SYNPO: variants seen among roughly 807,000 people sequenced by gnomAD.
SYNPO encodes synaptopodin.
In SYNPO, 19 loss-of-function variants were observed where a neutral mutation model predicts 49.5. That is an observed-to-expected ratio of 0.38 (90% confidence interval 0.27 to 0.56). SYNPO has a LOEUF of 0.56. Ranked by LOEUF, SYNPO falls within the 20% of genes least tolerant of loss-of-function variation. The pLI, the probability that SYNPO is intolerant of heterozygous loss-of-function variation, is 0.68. For missense variants in SYNPO, 1,131 were observed against 1,248.3 expected, an observed-to-expected ratio of 0.91 and a Z score of 1.42; for synonymous variants, 536 against 548.0, an observed-to-expected ratio of 0.98 and a Z score of 0.31.
At chr5:150,620,100 G>A (rs1391740457) in intron 2 of SYNPO, among the ~76,000 whole-genome samples, 4 of 152,132 alleles carry the variant, frequency 2.6e-5, no homozygotes, top group East Asian at 1.9e-4. Flanking sequence ...GGATGTTGCC[G>A]ACTAGCCAAG....
chr5:150,604,759 C>G (rs541872848), intron 1 of SYNPO, among the ~76,000 whole-genome samples: 3 of 152,214 alleles, frequency 2.0e-5, no homozygotes, highest in African/African-American at 7.2e-5. Flanking sequence ...CTGGCACACA[C>G]TGCGGCTGGC....
Position 150,648,306 on chromosome 5 carries a change from C to G in SYNPO, c.31C>G (p.Leu11Val). Residue 11 changes from leucine to valine, a missense_variant, in exon 2 of 3, where the codon CTG becomes GTG. Physicochemically the swap from Leu to Val is conservative, Grantham distance 32. Around this residue, in one of 4 missense-constraint regions of SYNPO, gnomAD observed 16 missense variants for 20.9 expected, o/e 0.77. Transcript: ENST00000307662. The surrounding 1 kb of genome is among the most constrained non-coding windows in gnomAD (Gnocchi z 5.0). ...GGGGTACTCAGAGGAGGCTAGCTTGCTGCGGCACCTGGAGAAGGTGGCCAG... is the reference window on the plus strand; with the variant it reads ...GGGGTACTCAGAGGAGGCTAGCTTGGTGCGGCACCTGGAGAAGGTGGCCAG... MEGYSEEASLLRHLEKVASEE... is the reference protein window; with the variant it reads MEGYSEEASLVRHLEKVASEE... 6.2e-7 allele frequency: 1 copy of G among 1,614,222 alleles called. No individual in the cohort carries two copies. Among genetic ancestry groups the G allele is most frequent in the Middle Eastern group, 1.7e-4 (1 of 6,060 alleles).
the SYNPO span, among the ~76,000 whole-genome samples, chr5:150,595,270 A>G: frequency 3.5e-4 from 54 of 152,366 alleles, no homozygotes; most frequent in Admixed American, 2.5e-3. Context: ...GAGGTTGGAA[A>G]AGTTCAAAAC....
At position 150,649,876 on chromosome 5, in the gene SYNPO, G is replaced by A. The variant is rs367672067; in HGVS notation, c.1601G>A (p.Arg534Gln). The A allele has an allele frequency of 6.8e-6, 11 of 1,609,250 alleles. No individual in the cohort carries two copies. The highest frequency in any genetic ancestry group is 6.7e-5 in the African/African-American group (5 of 74,880). ...NAPGAFRVAS[R>Q]SPARTPPASL... ...CCCGGGGCCTTCCGAGTGGCATCCCGAAGCCCAGCCCGGACCCCGCCTGCC... is the reference window on the plus strand; with the variant it reads ...CCCGGGGCCTTCCGAGTGGCATCCCAAAGCCCAGCCCGGACCCCGCCTGCC... Residue 534 changes from arginine to glutamine, a missense_variant, in exon 2 of 3, where the codon CGA becomes CAA. Arg to Gln is a conservative substitution (Grantham distance 43). Around this residue, in one of 4 missense-constraint regions of SYNPO, gnomAD observed 602 missense variants for 720.7 expected, o/e 0.84. Coordinates refer to ENST00000307662, the MANE Select transcript of SYNPO (RefSeq NM_007286.6).
rs1046034685 is a variant in SYNPO at position 150,647,460 on chromosome 5, G to A, written c.-332-484G>A. Among the ~76,000 whole-genome samples the A allele has an allele frequency of 6.6e-5, 10 of 152,356 alleles. No homozygotes were observed. In the East Asian group the frequency reaches 1.9e-3, roughly 29 times the overall value. ...GGCAAGATAGGAACCAGCATGGACT[G>A]CTACCTGGGAAAAGATTATTCCAAG... is the stretch of plus-strand genomic sequence containing the variant. On this transcript the variant is annotated intron_variant, in intron 1 of 2. Coordinates refer to ENST00000307662, the MANE Select transcript of SYNPO (RefSeq NM_007286.6).
intron 1 of SYNPO, among the ~76,000 whole-genome samples, chr5:150,643,089 A>C (rs1757966454): frequency 6.6e-6 from 1 of 152,210 alleles, no homozygotes; most frequent in Non-Finnish European, 1.5e-5. Context: ...GTAAGGAGAA[A>C]AGCAGAAAAA....
At chr5:150,602,328 T>G (rs1432744953) in intron 1 of SYNPO, among the ~76,000 whole-genome samples, 1 of 152,024 alleles carries the variant, frequency 6.6e-6, no homozygotes, top group Non-Finnish European at 1.5e-5. Context: ...AATGGCAGAG[T>G]TGGGCCAGGA....
At chr5:150,586,669 T>G in the SYNPO span, among the ~76,000 whole-genome samples, 1 of 152,156 alleles carries the variant, frequency 6.6e-6, no homozygotes, top group South Asian at 2.1e-4. Flanking sequence ...ATTATTTGAT[T>G]GATATTGTGC....
intron 2 of SYNPO, among the ~76,000 whole-genome samples, chr5:150,622,158 A>T (rs1383982615): frequency 6.6e-6 from 1 of 152,210 alleles, no homozygotes; most frequent in Non-Finnish European, 1.5e-5. Flanking sequence ...TAATCCTATA[A>T]ACAATCCTGT....
rs1758606097 is a variant in SYNPO at position 150,657,216 on chromosome 5, G to T, written c.*129G>T. 3.7e-6 allele frequency: 4 copies of T among 1,077,108 alleles called. No homozygotes were observed. In the South Asian group the frequency reaches 6.6e-5, roughly 18 times the overall value. The allele number at this position is 1,077,108 out of a possible 1,614,324, so 66.7% of individuals were successfully genotyped here. A position where few individuals can be genotyped will look rare whatever the true frequency, so the allele number is the denominator to read the frequency against. ...GGGGTCAGCAGAGGAGAGCTCTGGG[G>T]TTGGGGATGGGTTAGGGACGCAAGC... On this transcript the variant is annotated 3_prime_UTR_variant, in exon 3 of 3. Coordinates refer to ENST00000307662, the MANE Select transcript of SYNPO (RefSeq NM_007286.6).
chr5:150,634,827 AAC>A (rs202176402), intron 2 of SYNPO, among the ~76,000 whole-genome samples: 52,400 of 124,476 alleles, frequency 0.42, 10,765 homozygotes, highest in East Asian at 0.58. Context: ...CCCTGTCTAA[AAC>A]ACACACACAC....
intron 2 of SYNPO, among the ~76,000 whole-genome samples, chr5:150,619,566 A>T (rs1303324433): frequency 6.6e-6 from 1 of 152,142 alleles, no homozygotes; most frequent in African/African-American, 2.4e-5. Flanking sequence ...CCCACGCTGA[A>T]TCACCTCCAC....
upstream of SYNPO, among the ~76,000 whole-genome samples, chr5:150,599,773 G>A (rs1756488933): frequency 6.6e-6 from 1 of 152,162 alleles, no homozygotes; most frequent in Admixed American, 6.5e-5. Flanking sequence ...TTGTAGCAGG[G>A]ACTCAATCAA....
the SYNPO span, among the ~76,000 whole-genome samples, chr5:150,595,596 C>T: frequency 6.6e-6 from 1 of 152,230 alleles, no homozygotes; most frequent in Non-Finnish European, 1.5e-5. Flanking sequence ...ATGTAAGGCC[C>T]AGCCACTCGC....
the SYNPO span, among the ~76,000 whole-genome samples, chr5:150,589,213 C>T: frequency 6.4e-3 from 971 of 152,176 alleles, 8 homozygotes; most frequent in African/African-American, 0.022. Flanking sequence ...AGGTGTGCGC[C>T]ACCACACCCA....
intron 2 of SYNPO, among the ~76,000 whole-genome samples, chr5:150,654,511 G>A (rs1280242340): frequency 6.6e-6 from 1 of 152,244 alleles, no homozygotes. Flanking sequence ...TGAGATAAAG[G>A]ATGAGAATGA....
the SYNPO span, among the ~76,000 whole-genome samples, chr5:150,594,203 G>A: frequency 1.2e-4 from 18 of 152,180 alleles, no homozygotes; most frequent in Admixed American, 1.2e-3. Context: ...GTGGAAGGCG[G>A]CAGGGGAGTC....
chr5:150,631,499 T>G (rs893644903), intron 2 of SYNPO, among the ~76,000 whole-genome samples: 1 of 152,166 alleles, frequency 6.6e-6, no homozygotes, highest in Non-Finnish European at 1.5e-5. Flanking sequence ...TCAGCATGGC[T>G]GGAGCCTGGC....
At chr5:150,597,958 T>TATAA (rs1321500169), upstream of SYNPO, among the ~76,000 whole-genome samples, 1 of 152,062 alleles carries the variant, frequency 6.6e-6, no homozygotes, top group Non-Finnish European at 1.5e-5. Flanking sequence ...TTGGCATGAA[T>TATAA]ATAATGACTT....
Sources: allele counts gnomAD v4.1 joint callset (sites outside exome capture counted in the v4.1 genomes callset), GRCh38; gene constraint gnomAD v4.1.1; regional missense constraint gnomAD v4.1.1; non-coding constraint Gnocchi (gnomAD v3.1); transcripts MANE v1.5; gene names NCBI Gene and HGNC (gene_info 2026-07-23, HGNC 2026-07-21).